Variants in CLSTN2 observed in about 807,000 individuals in gnomAD.
CLSTN2 encodes the protein calsyntenin 2, also known as calsyntenin-2.
CLSTN2 carries 48 observed loss-of-function variants against 101.2 expected under a neutral mutation model. That is an observed-to-expected ratio of 0.47 (90% CI 0.38 to 0.60). CLSTN2 has a LOEUF of 0.60. Ranked by LOEUF, CLSTN2 falls within the 20% of genes least tolerant of loss-of-function variation. CLSTN2 has a pLI of 0.00. For missense variants in CLSTN2, 1,160 were observed against 1,238.2 expected, an observed-to-expected ratio of 0.94 and a Z score of 0.95; for synonymous variants, 481 against 463.6, an observed-to-expected ratio of 1.04 and a Z score of -0.48.
At position 140,459,868 on chromosome 3, in the gene CLSTN2, G is replaced by T. The variant is rs1933517439; in HGVS notation, c.1222+99G>T. On this transcript the variant is annotated intron_variant, in intron 7 of 16. Coordinates refer to ENST00000458420, the MANE Select transcript of CLSTN2 (RefSeq NM_022131.3). Reference sequence around the variant, plus strand: ...GGACACAGCCAAGGAGGATGTGGAAGAAAAGCAGGAGCCTGAGAGGAACCC... The same window carrying T: ...GGACACAGCCAAGGAGGATGTGGAATAAAAGCAGGAGCCTGAGAGGAACCC... 2.9e-6 allele frequency: 4 copies of T among 1,378,070 alleles called. No homozygotes were observed. The East Asian group carries it at 9.3e-5, about 32-fold the overall frequency. The allele number at this position is 1,378,070 out of a possible 1,614,324, so 85.4% of individuals were successfully genotyped here. A position where few individuals can be genotyped will look rare whatever the true frequency, so the allele number is the denominator to read the frequency against.
intron 1 of CLSTN2, among the ~76,000 whole-genome samples, chr3:140,124,145 G>T (rs928723498): frequency 3.3e-5 from 5 of 152,130 alleles, no homozygotes; most frequent in Non-Finnish European, 7.4e-5. Flanking sequence ...ACAGAGAATA[G>T]CATCCTAGGG....
chr3:140,244,006 T>A (rs2086493535), intron 2 of CLSTN2, among the ~76,000 whole-genome samples: 1 of 152,184 alleles, frequency 6.6e-6, no homozygotes, highest in African/African-American at 2.4e-5. Context: ...CATTCCATGG[T>A]CCCTCTCCTG....
chr3:140,297,526 G>T (rs2087015135), intron 2 of CLSTN2, among the ~76,000 whole-genome samples: 1 of 152,116 alleles, frequency 6.6e-6, no homozygotes, highest in Admixed American at 6.5e-5. Flanking sequence ...TCTGAAAAGG[G>T]CCAGGTAAAT....
chr3:140,104,733 G>C (rs2009023663), intron 1 of CLSTN2, among the ~76,000 whole-genome samples: 2 of 152,190 alleles, frequency 1.3e-5, no homozygotes, highest in African/African-American at 4.8e-5. Context: ...CAGCACTTTG[G>C]GAGGCCAAGG....
At chr3:140,131,413 A>T (rs1007227670) in intron 1 of CLSTN2, among the ~76,000 whole-genome samples, 6 of 151,656 alleles carry the variant, frequency 4.0e-5, no homozygotes, top group Non-Finnish European at 5.9e-5. Context: ...CTTTCTTCTG[A>T]AATACAAATT....
chr3:139,985,469 G>A (rs910983529), intron 1 of CLSTN2, among the ~76,000 whole-genome samples: 3 of 152,018 alleles, frequency 2.0e-5, no homozygotes, highest in Admixed American at 2.0e-4. Context: ...TGGTCCTTTG[G>A]GGTCTCTAGA....
At chr3:140,242,999 T>A (rs907404997) in intron 2 of CLSTN2, among the ~76,000 whole-genome samples, 1 of 152,254 alleles carries the variant, frequency 6.6e-6, no homozygotes, top group African/African-American at 2.4e-5. Context: ...TGACTCATTG[T>A]TAAGCTTGAA....
chr3:140,279,937 C>A (rs925776757), intron 2 of CLSTN2, among the ~76,000 whole-genome samples: 1 of 152,176 alleles, frequency 6.6e-6, no homozygotes, highest in Non-Finnish European at 1.5e-5. Context: ...TAAGCCATCA[C>A]CTGGTGGCTA....
Position 140,247,175 on chromosome 3 carries a change from A to G in CLSTN2, c.232+71102A>G, listed in dbSNP as rs550473721. Among the ~76,000 whole-genome samples the G allele has an allele frequency of 3.9e-5, 6 of 152,290 alleles. No individual in the cohort carries two copies. The South Asian group carries it at 1.2e-3, about 32-fold the overall frequency. On this transcript the variant is annotated intron_variant, in intron 2 of 16. Coordinates refer to ENST00000458420, the MANE Select transcript of CLSTN2 (RefSeq NM_022131.3). ...TAGACGTTGGGGTCTTGACTTGGTT[A>G]TCAGTTCTATCTGTACCATAGGGCT...
At chr3:140,550,723 T>C (rs1479246718) in intron 10 of CLSTN2, among the ~76,000 whole-genome samples, 1 of 151,458 alleles carries the variant, frequency 6.6e-6, no homozygotes, top group Non-Finnish European at 1.5e-5. Flanking sequence ...TCTAGAGTCA[T>C]CATAGCCTAT....
intron 8 of CLSTN2, among the ~76,000 whole-genome samples, chr3:140,515,103 A>G (rs1934891381): frequency 7.3e-6 from 1 of 136,712 alleles, no homozygotes; most frequent in African/African-American, 3.7e-5. Context: ...TTAATCTAGG[A>G]ATGTTGTATA....
At chr3:139,967,241 G>T (rs1190959177) in intron 1 of CLSTN2, among the ~76,000 whole-genome samples, 1 of 152,188 alleles carries the variant, frequency 6.6e-6, no homozygotes, top group African/African-American at 2.4e-5. Flanking sequence ...AAGGAGGTCT[G>T]TACATGGGTG....
At chr3:140,096,866 GA>G (rs1306754587) in intron 1 of CLSTN2, among the ~76,000 whole-genome samples, 1 of 152,220 alleles carries the variant, frequency 6.6e-6, no homozygotes, top group Admixed American at 6.5e-5. Flanking sequence ...GGTTCCGTGT[GA>G]AGAGACATGA....
chr3:139,974,726 A>T (rs1234233211), intron 1 of CLSTN2, among the ~76,000 whole-genome samples: 1 of 152,204 alleles, frequency 6.6e-6, no homozygotes, highest in African/African-American at 2.4e-5. Flanking sequence ...AACAAAGTAC[A>T]ATAATATTCT....
At chr3:140,347,027 C>G (rs2087555204) in intron 2 of CLSTN2, among the ~76,000 whole-genome samples, 1 of 152,196 alleles carries the variant, frequency 6.6e-6, no homozygotes, top group Non-Finnish European at 1.5e-5. Flanking sequence ...CACAACTTTT[C>G]TCTCTGAGGA....
chr3:140,544,759 G>A (rs1366546650), intron 9 of CLSTN2, among the ~76,000 whole-genome samples: 1 of 152,042 alleles, frequency 6.6e-6, no homozygotes, highest in African/African-American at 2.4e-5. Context: ...GGGTATGCAG[G>A]GGAGGGGTCC....
At chr3:140,370,635 A>C (rs2107957008) in intron 2 of CLSTN2, among the ~76,000 whole-genome samples, 1 of 152,230 alleles carries the variant, frequency 6.6e-6, no homozygotes, top group African/African-American at 2.4e-5. Context: ...AACTTTATTT[A>C]CTCGGCATGC....
At chr3:140,092,160 T>C (rs2008789777) in intron 1 of CLSTN2, among the ~76,000 whole-genome samples, 1 of 152,178 alleles carries the variant, frequency 6.6e-6, no homozygotes, top group Non-Finnish European at 1.5e-5. Flanking sequence ...GTGTGCCCCC[T>C]CAAACCTCCT....
intron 16 of CLSTN2, among the ~76,000 whole-genome samples, chr3:140,564,747 A>G (rs1935996241): frequency 6.6e-6 from 1 of 152,238 alleles, no homozygotes; most frequent in Non-Finnish European, 1.5e-5. Flanking sequence ...AAGAAGTAAC[A>G]TACTCAAATT....
Sources: gnomAD v4.1 joint callset for allele counts (sites outside exome capture counted in the v4.1 genomes callset) on GRCh38, gnomAD v4.1.1 for gene constraint, MANE v1.5 for transcripts, NCBI Gene and HGNC (gene_info 2026-07-23, HGNC 2026-07-21) for gene names.